Variants in STPG2 observed in about 807,000 individuals in gnomAD.
STPG2 encodes the protein sperm tail PG-rich repeat containing 2, also known as sperm-tail PG-rich repeat-containing protein 2.
STPG2 carries 56 observed loss-of-function variants against 54.2 expected under a neutral mutation model. The ratio of observed to expected loss-of-function variants is 1.03; its 90% CI spans 0.83 to 1.29. The LOEUF is 1.29. Ranked by LOEUF, STPG2 falls within the 50% of genes most tolerant of loss-of-function variation. The pLI is 0.00. For synonymous variants in STPG2, 200 were observed against 181.8 expected (o/e 1.10, Z -0.81); for missense variants, 596 against 544.9 (o/e 1.09, Z -0.93).
intron 10 of STPG2, among the ~76,000 whole-genome samples, chr4:97,562,382 T>A (rs1732278555): frequency 1.3e-5 from 2 of 152,348 alleles, no homozygotes; most frequent in East Asian, 3.9e-4. Flanking sequence ...TCATGTCATC[T>A]GCAAACAGGG....
At chr4:97,575,283 C>A (rs1041468249) in intron 10 of STPG2, among the ~76,000 whole-genome samples, 1 of 152,046 alleles carries the variant, frequency 6.6e-6, no homozygotes, top group Non-Finnish European at 1.5e-5. Flanking sequence ...CTCCCCAACT[C>A]ATTCTACAAA....
chr4:97,566,737 A>G (rs956425344), intron 10 of STPG2, among the ~76,000 whole-genome samples: 2 of 151,996 alleles, frequency 1.3e-5, no homozygotes, highest in Non-Finnish European at 2.9e-5. Context: ...TTGTAGGGAC[A>G]TGGATGAAAT....
At chr4:98,109,378 T>G (rs950342178) in intron 3 of STPG2, 73 bp from the exon 4 acceptor site, 1 of 1,126,778 alleles carries the variant, frequency 8.9e-7, no homozygotes, top group Non-Finnish European at 1.3e-6. Flanking sequence ...TGTTTGGCTT[T>G]ACCTAAGTCT....
intron 4 of STPG2, among the ~76,000 whole-genome samples, chr4:97,463,133 C>T (rs1324514366): frequency 6.6e-6 from 1 of 151,320 alleles, no homozygotes; most frequent in East Asian, 1.9e-4. Context: ...TTTTTGTTAC[C>T]CTTGCTCTTC....
intron 5 of STPG2, among the ~76,000 whole-genome samples, chr4:98,062,570 A>G (rs544630384): frequency 6.6e-6 from 1 of 152,332 alleles, no homozygotes; most frequent in East Asian, 1.9e-4. Context: ...GAAATACAAA[A>G]GAAAATTCAC....
chr4:97,855,980 G>A (rs1334362523), intron 8 of STPG2, among the ~76,000 whole-genome samples: 2 of 152,122 alleles, frequency 1.3e-5, no homozygotes, highest in African/African-American at 4.8e-5. Flanking sequence ...GGCTGTAGGT[G>A]TGTGGTCTTA....
At chr4:97,562,742 A>G (rs1052464606) in intron 10 of STPG2, among the ~76,000 whole-genome samples, 6 of 152,090 alleles carry the variant, frequency 3.9e-5, no homozygotes, top group African/African-American at 1.4e-4. Context: ...GCTGGATTAC[A>G]TTTATTGATT....
chr4:98,044,987 T>G (rs1737077969), intron 5 of STPG2, among the ~76,000 whole-genome samples: 1 of 151,998 alleles, frequency 6.6e-6, no homozygotes, highest in Admixed American at 6.6e-5. Context: ...CAGGAAAGCC[T>G]CCAGTACTAG....
intron 4 of STPG2, among the ~76,000 whole-genome samples, chr4:97,523,396 C>A (rs9307206): frequency 0.19 from 28,327 of 151,822 alleles, 3,048 homozygotes; most frequent in Middle Eastern, 0.29. Flanking sequence ...AAAGGCCTAG[C>A]AAGCACATAA....
At chr4:97,911,003 A>T (rs1453495638) in intron 8 of STPG2, among the ~76,000 whole-genome samples, 3 of 152,124 alleles carry the variant, frequency 2.0e-5, no homozygotes, top group African/African-American at 7.2e-5. Flanking sequence ...ATGTAGAGAG[A>T]GGAAAAACAG....
chr4:97,560,834 G>A (rs1054903038), intron 10 of STPG2, among the ~76,000 whole-genome samples: 2 of 152,068 alleles, frequency 1.3e-5, no homozygotes, highest in African/African-American at 4.8e-5. Flanking sequence ...AGGGGGGAAC[G>A]ACTCAGAAAA....
At chr4:98,054,852 A>G (rs700740) in intron 5 of STPG2, among the ~76,000 whole-genome samples, 1 of 151,966 alleles carries the variant, frequency 6.6e-6, no homozygotes, top group South Asian at 2.1e-4. Context: ...TTTTATTATA[A>G]TTTTGAGCAA....
At chr4:97,485,597 G>C (rs748080131) in intron 4 of STPG2, among the ~76,000 whole-genome samples, 1 of 151,902 alleles carries the variant, frequency 6.6e-6, no homozygotes, top group Non-Finnish European at 1.5e-5. Context: ...CTCATGGATG[G>C]ATAGAATCCA....
chr4:97,584,192 G>T (rs1316353741), intron 10 of STPG2, among the ~76,000 whole-genome samples: 1 of 151,806 alleles, frequency 6.6e-6, no homozygotes, highest in Non-Finnish European at 1.5e-5. Context: ...CTCTCAGAAC[G>T]CAGTGTAATA....
At chr4:97,488,351 A>G (rs567264249) in intron 4 of STPG2, among the ~76,000 whole-genome samples, 1 of 151,874 alleles carries the variant, frequency 6.6e-6, no homozygotes, top group Non-Finnish European at 1.5e-5. Flanking sequence ...AAAAGTCCTA[A>G]GAGTTATCCC....
intron 10 of STPG2, among the ~76,000 whole-genome samples, chr4:97,702,494 C>T (rs11097570): frequency 0.47 from 71,545 of 151,872 alleles, 17,882 homozygotes; most frequent in South Asian, 0.64. Context: ...AGTTATAGGT[C>T]TAGAAGCAAA....
At chr4:97,982,637 G>C (rs1457383448) in intron 5 of STPG2, among the ~76,000 whole-genome samples, 7 of 151,976 alleles carry the variant, frequency 4.6e-5, no homozygotes, top group Non-Finnish European at 1.0e-4. Context: ...ACATAATCTA[G>C]TTTAGAGTCA....
At chr4:98,082,399 G>A (rs969463684) in intron 5 of STPG2, among the ~76,000 whole-genome samples, 5 of 133,446 alleles carry the variant, frequency 3.7e-5, no homozygotes, top group South Asian at 4.8e-4. Context: ...GTACCTGGTC[G>A]CTTTTCTTCC....
At chr4:97,731,505 A>G (rs913478788) in intron 9 of STPG2, among the ~76,000 whole-genome samples, 1 of 152,266 alleles carries the variant, frequency 6.6e-6, no homozygotes, top group East Asian at 1.9e-4. Flanking sequence ...TGGGAAGCCT[A>G]GAGATGAAGC....
Sources: gnomAD v4.1 joint callset for allele counts (sites outside exome capture counted in the v4.1 genomes callset) on GRCh38, gnomAD v4.1.1 for gene constraint, MANE v1.5 for transcripts, NCBI Gene and HGNC (gene_info 2026-07-23, HGNC 2026-07-21) for gene names.